OXR1: variants seen among roughly 807,000 people sequenced by gnomAD.
OXR1 encodes oxidation resistance protein 1.
A neutral mutation model predicts 104.6 loss-of-function variants in OXR1; 41 were observed. The observed-to-expected ratio is 0.39, with a 90% CI of 0.31 to 0.51. The LOEUF (loss-of-function observed/expected upper bound fraction) is 0.51, where lower values mean the gene tolerates loss of function less well. OXR1 is among the 20% of genes least tolerant of loss of function. OXR1 has a pLI of 0.77. For synonymous variants in OXR1, 348 were observed against 348.4 expected (o/e 1.00, Z 0.01); for missense variants, 955 against 1,031.9 (o/e 0.93, Z 1.02).
chr8:106,271,537 G>GGCGTGTGTGT (rs1173441120), intron 1 of OXR1, among the ~76,000 whole-genome samples: 2 of 151,982 alleles, frequency 1.3e-5, no homozygotes, highest in East Asian at 3.9e-4. Flanking sequence ...CTCGCAGCGG[G>GGCGTGTGTGT]GCGTGTGTGT....
chr8:106,405,009 G>A (rs965310173), intron 2 of OXR1, among the ~76,000 whole-genome samples: 18 of 151,978 alleles, frequency 1.2e-4, no homozygotes, highest in African/African-American at 4.1e-4. Context: ...GATGGATTGA[G>A]TTTCCAATGC....
chr8:106,398,801 C>T (rs536079259), intron 2 of OXR1, among the ~76,000 whole-genome samples: 14 of 152,230 alleles, frequency 9.2e-5, no homozygotes, highest in East Asian at 5.8e-4. Flanking sequence ...TCAGGGCCTA[C>T]GCTTGAAATA....
At chr8:106,661,751 T>C (rs1052609148) in intron 3 of OXR1, among the ~76,000 whole-genome samples, 5 of 152,368 alleles carry the variant, frequency 3.3e-5, no homozygotes, top group Admixed American at 2.0e-4. Flanking sequence ...TTTCTTTTCA[T>C]TTATTTTTAG....
At chr8:106,731,485 C>A (rs1183046473) in intron 11 of OXR1, among the ~76,000 whole-genome samples, 1 of 152,014 alleles carries the variant, frequency 6.6e-6, no homozygotes, top group Non-Finnish European at 1.5e-5. Context: ...AAAAGTGCAC[C>A]TTCAGACTTA....
At chr8:106,385,887 A>T (rs1817351592) in intron 2 of OXR1, among the ~76,000 whole-genome samples, 1 of 152,178 alleles carries the variant, frequency 6.6e-6, no homozygotes, top group South Asian at 2.1e-4. Flanking sequence ...GGAAACTAGA[A>T]AGCCACATTT....
At chr8:106,529,059 A>G (rs1464162605) in intron 3 of OXR1, among the ~76,000 whole-genome samples, 1 of 152,218 alleles carries the variant, frequency 6.6e-6, no homozygotes, top group East Asian at 1.9e-4. Flanking sequence ...CTTGTTACAC[A>G]TGGAAGCTAA....
chr8:106,401,695 A>T (rs1200317334), intron 2 of OXR1, among the ~76,000 whole-genome samples: 2 of 152,150 alleles, frequency 1.3e-5, no homozygotes, highest in African/African-American at 4.8e-5. Context: ...CTCAGAAGAG[A>T]TATCACAGCA....
chr8:106,683,376 C>T, intron 5 of OXR1, 70 bp downstream of exon 5: 1 of 707,242 alleles, frequency 1.4e-6, no homozygotes, highest in Non-Finnish European at 2.5e-6. Flanking sequence ...ATTTATTGTA[C>T]TGTAGTTAAT....
At chr8:106,498,732 G>A (rs1811577562) in intron 2 of OXR1, among the ~76,000 whole-genome samples, 1 of 152,158 alleles carries the variant, frequency 6.6e-6, no homozygotes, top group Admixed American at 6.5e-5. Context: ...GGCACTCATT[G>A]CAGTATGTCA....
chr8:106,631,583 G>A (rs1010635656), intron 3 of OXR1, among the ~76,000 whole-genome samples: 2 of 152,124 alleles, frequency 1.3e-5, no homozygotes, highest in Non-Finnish European at 2.9e-5. Context: ...AATTGTTAAA[G>A]GTAAAATATT....
chr8:106,517,264 T>G (rs1467300146), intron 2 of OXR1, among the ~76,000 whole-genome samples: 2 of 152,182 alleles, frequency 1.3e-5, no homozygotes, highest in African/African-American at 4.8e-5. Context: ...GTGTTTGGAC[T>G]TAATATACGT....
intron 3 of OXR1, among the ~76,000 whole-genome samples, chr8:106,540,601 T>A (rs567552563): frequency 1.3e-5 from 2 of 152,318 alleles, no homozygotes; most frequent in South Asian, 4.1e-4. Context: ...CTAAAAGCCA[T>A]GGCTGTTGTA....
At chr8:106,330,575 A>G (rs766714438) in intron 1 of OXR1, among the ~76,000 whole-genome samples, 8 of 152,246 alleles carry the variant, frequency 5.3e-5, no homozygotes, top group Non-Finnish European at 1.0e-4. Flanking sequence ...TTGAAATTGT[A>G]GAAGCTTCTC....
At position 106,425,032 on chromosome 8, in the gene OXR1, T is replaced by C. The variant is rs147981812; in HGVS notation, c.23+65396T>C. On this transcript the variant is annotated intron_variant, in intron 2 of 16. Coordinates refer to ENST00000517566, the MANE Select transcript of OXR1 (RefSeq NM_001198533.2). ...GGATTAAGCTATGAAAGCTGAGTAC[T>C]AAATTTCACTCTAATTTGTAGATAT... is the stretch of plus-strand genomic sequence containing the variant. Among the ~76,000 whole-genome samples the C allele has an allele frequency of 2.0e-3, 309 of 151,158 alleles. 2 individuals carry two copies. Among genetic ancestry groups the C allele is most frequent in the African/African-American group, 7.1e-3 (293 of 41,408 alleles).
At chr8:106,748,468 T>TA (rs572592943) in intron 16 of OXR1, among the ~76,000 whole-genome samples, 7 of 152,104 alleles carry the variant, frequency 4.6e-5, no homozygotes, top group African/African-American at 1.7e-4. Context: ...ACTCTCTTCT[T>TA]GAGTGACACT....
At chr8:106,341,085 G>A (rs6992673) in intron 1 of OXR1, among the ~76,000 whole-genome samples, 51,799 of 151,822 alleles carry the variant, frequency 0.34, 11,416 homozygotes, top group African/African-American at 0.63. Context: ...TAAAAGTTTC[G>A]TTTTATTTAT....
chr8:106,639,523 G>C (rs779628976), intron 3 of OXR1, among the ~76,000 whole-genome samples: 8 of 151,990 alleles, frequency 5.3e-5, no homozygotes, highest in African/African-American at 7.2e-5. Flanking sequence ...TTACCTTTTT[G>C]GTAAGACAAA....
At chr8:106,620,695 C>T (rs532859616) in intron 3 of OXR1, among the ~76,000 whole-genome samples, 1 of 152,172 alleles carries the variant, frequency 6.6e-6, no homozygotes, top group African/African-American at 2.4e-5. Context: ...TGTTTCTGCT[C>T]ATTAAAAGCT....
intron 2 of OXR1, among the ~76,000 whole-genome samples, chr8:106,474,961 C>A (rs1428899758): frequency 6.6e-6 from 1 of 151,960 alleles, no homozygotes; most frequent in Admixed American, 6.6e-5. Flanking sequence ...TGTTTAATAG[C>A]TTTTGGCCTA....
Sources: gnomAD v4.1 joint callset for allele counts (sites outside exome capture counted in the v4.1 genomes callset) on GRCh38, gnomAD v4.1.1 for gene constraint, MANE v1.5 for transcripts, NCBI Gene and HGNC (gene_info 2026-07-23, HGNC 2026-07-21) for gene names.